Variants in TNNI1 observed in about 807,000 individuals in gnomAD.
TNNI1 encodes troponin I1, slow skeletal type, also known as troponin I, slow skeletal muscle.
A neutral mutation model predicts 26.7 loss-of-function variants in TNNI1; 14 were observed. The observed-to-expected ratio is 0.52, with a 90% CI of 0.35 to 0.82. The LOEUF (loss-of-function observed/expected upper bound fraction) is 0.82, where lower values mean the gene tolerates loss of function less well. TNNI1 is among the 40% of genes least tolerant of loss of function. The pLI, the probability that TNNI1 is intolerant of heterozygous loss-of-function variation, is 0.01. For synonymous variants in TNNI1, 79 were observed against 98.2 expected (o/e 0.80, Z 1.16); for missense variants, 164 against 257.0 (o/e 0.64, Z 2.47).
chr1:201,412,006 T>C (rs1036554117), intron 6 of TNNI1, among the ~76,000 whole-genome samples: 5 of 152,184 alleles, frequency 3.3e-5, no homozygotes, highest in Admixed American at 2.0e-4. Context: ...AGATCCCTGC[T>C]CTAGGACAGT....
intron 5 of TNNI1, among the ~76,000 whole-genome samples, 186 bp downstream of exon 5, chr1:201,414,332 A>G (rs1448524823): frequency 6.6e-6 from 1 of 152,246 alleles, no homozygotes; most frequent in Non-Finnish European, 1.5e-5. Flanking sequence ...TGCCCGTAAA[A>G]TGGAATCTAA....
At chr1:201,416,045 G>A (rs1033836037) in intron 3 of TNNI1, among the ~76,000 whole-genome samples, 3 of 152,090 alleles carry the variant, frequency 2.0e-5, no homozygotes, top group African/African-American at 7.2e-5. Flanking sequence ...AATGTGCTGT[G>A]AGCCGGCAGA....
chr1:201,414,871 T>C (rs1334662312), intron 4 of TNNI1, among the ~76,000 whole-genome samples: 1 of 152,254 alleles, frequency 6.6e-6, no homozygotes, highest in Non-Finnish European at 1.5e-5. Flanking sequence ...CTTCCTCTTA[T>C]CCACTTACTG....
At chr1:201,414,185 G>C (rs981753289) in intron 5 of TNNI1, among the ~76,000 whole-genome samples, 10 of 152,134 alleles carry the variant, frequency 6.6e-5, no homozygotes, top group African/African-American at 2.4e-4. Context: ...TCTAGGAAAG[G>C]GTAGACAAGT....
At chr1:201,418,395 G>A (rs1183440968) in intron 1 of TNNI1, among the ~76,000 whole-genome samples, 1 of 151,296 alleles carries the variant, frequency 6.6e-6, no homozygotes, top group Non-Finnish European at 1.5e-5. Flanking sequence ...TTGAACCCAG[G>A]AGGCGGAGGT....
At chr1:201,414,750 C>T in intron 4 of TNNI1, 101 bp from the exon 5 acceptor site, 2 of 1,549,884 alleles carry the variant, frequency 1.3e-6, no homozygotes, top group Middle Eastern at 1.8e-4. Flanking sequence ...TCTGAGACCA[C>T]TGTCCAGTGT....
chr1:201,410,477 G>C (rs1662613674), intron 7 of TNNI1, 42 bp from the exon 8 acceptor site: 6 of 1,569,290 alleles, frequency 3.8e-6, no homozygotes, highest in South Asian at 1.1e-5. Flanking sequence ...TACCAGGCTG[G>C]ACGGCCCCCC....
rs1057329798 is a variant in TNNI1, at chr1:201,411,219, G to A, written c.456+138C>T. ...TTTCTTCCCACACTGGTCTCCCAAA[G>A]CATTCTAGAATGTTCTGTCTGTCAA... On this transcript the variant is annotated intron_variant, in intron 7 of 8. Transcript: ENST00000361379. This position sits in a 1 kb window ranked among gnomAD's most constrained non-coding sequence, Gnocchi z 4.6. The A allele has an allele frequency of 2.3e-6, 2 of 872,540 alleles. No individual in the cohort carries two copies. Among genetic ancestry groups the A allele is most frequent in the African/African-American group, 3.5e-5 (2 of 56,966 alleles). The allele number at this position is 872,540 out of a possible 1,614,324, so 54.0% of individuals were successfully genotyped here. A position where few individuals can be genotyped will look rare whatever the true frequency, so the allele number is the denominator to read the frequency against.
At chr1:201,410,217 C>T (rs549552625) in intron 8 of TNNI1, 109 bp downstream of exon 8, 7 of 889,548 alleles carry the variant, frequency 7.9e-6, no homozygotes, top group Non-Finnish European at 1.3e-5. Context: ...GTGCCTTAGT[C>T]CGTGCATCCG....
intron 2 of TNNI1, 59 bp downstream of exon 2, chr1:201,417,724 A>C (rs1662775903): frequency 7.7e-7 from 1 of 1,304,468 alleles, no homozygotes; most frequent in Non-Finnish European, 9.9e-7. Flanking sequence ...TGCGGGGCTG[A>C]AGTCTGTGGC....
In TNNI1 at chr1:201,411,718, T is replaced by G. The variant is rs1662639540; in HGVS notation, c.280-185A>C. On this transcript the variant is annotated intron_variant, in intron 6 of 8. Transcript: ENST00000361379. This position sits in a 1 kb window ranked among gnomAD's most constrained non-coding sequence, Gnocchi z 4.6. ...GGGACCGGTTTTGTGGAAGACACTT[T>G]TTCCACGGAGAGGTGGTGGGGTGGT... 6.6e-6 allele frequency among the ~76,000 whole-genome samples: 1 copy of G among 152,196 alleles called. No individual in the cohort carries two copies. Among genetic ancestry groups the G allele is most frequent in the South Asian group, 2.1e-4 (1 of 4,830 alleles).
chr1:201,417,580 C>A (rs1026826423), intron 2 of TNNI1, among the ~76,000 whole-genome samples: 10 of 152,160 alleles, frequency 6.6e-5, no homozygotes, highest in Admixed American at 3.9e-4. Context: ...ACTCCCAGGG[C>A]AACCTGGGAG....
chr1:201,418,746 C>T (rs1018847154), intron 1 of TNNI1, among the ~76,000 whole-genome samples: 3 of 152,190 alleles, frequency 2.0e-5, no homozygotes, highest in Non-Finnish European at 2.9e-5. Flanking sequence ...GGGCAAATCC[C>T]GTGTTCACCC....
rs1571737110 is a variant in TNNI1, at chr1:201,415,099, A to G, written c.57+114T>C. The stretch of plus-strand genomic sequence containing the variant: ...TGGACTCCTGCCCCTCATCATCCTC[A>G]CTCTGGCCTCCTTCCTTTCTCCTTG... On this transcript the variant is annotated intron_variant, in intron 4 of 8. Coordinates refer to ENST00000361379, the MANE Select transcript of TNNI1 (RefSeq NM_003281.4). 4 of 972,250 alleles carry G rather than the reference A, an allele frequency of 4.1e-6. No homozygotes were observed. In the East Asian group the frequency reaches 7.6e-5, roughly 18 times the overall value. 60.2% of individuals were successfully genotyped at this position (972,250 alleles called of 1,614,324 possible).
chr1:201,417,784 C>G lies in TNNI1; in HGVS notation c.10G>C (p.Val4Leu). Residue 4 changes from valine (V) to leucine (L), a missense_variant and splice_region_variant, in exon 2 of 9, where the codon GTC becomes CTC. Physicochemically the swap from Val to Leu is conservative, Grantham distance 32. Coordinates refer to ENST00000361379, the MANE Select transcript of TNNI1 (RefSeq NM_003281.4). MPE[V>L]ERKPKITASR... is the part of the protein sequence containing the mutation. ...CCAGATGGCAGTGAGACTACTTACA[C>G]TTCCGGCATGGTGGCAGTGAGACAG... 7.6e-7 allele frequency: 1 copy of G among 1,313,702 alleles called. No homozygotes were observed. Among genetic ancestry groups the G allele is most frequent in the Non-Finnish European group, 9.8e-7 (1 of 1,022,224 alleles). The allele number at this position is 1,313,702 out of a possible 1,614,324, so 81.4% of individuals were successfully genotyped here.
At position 201,405,739 on chromosome 1, in the gene TNNI1, T is replaced by A. The variant is rs1173086290; in HGVS notation, c.*3514A>T. On this transcript the variant is annotated 3_prime_UTR_variant, in exon 9 of 9. Coordinates refer to ENST00000361379, the MANE Select transcript of TNNI1 (RefSeq NM_003281.4). ...CTTGCGCCGTGGGGACCGGGCACCC[T>A]GTGGGGAAAGGTGGGAGCAACAGCT... 6.5e-6 allele frequency: 1 copy of A among 152,796 alleles called. No individual in the cohort carries two copies. Among genetic ancestry groups the A allele is most frequent in the Non-Finnish European group, 1.5e-5 (1 of 68,312 alleles). The allele number at this position is 152,796 out of a possible 1,614,324, so 9.5% of individuals were successfully genotyped here.
intron 6 of TNNI1, among the ~76,000 whole-genome samples, chr1:201,412,618 T>C (rs1480361889): frequency 6.6e-6 from 1 of 152,156 alleles, no homozygotes; most frequent in Non-Finnish European, 1.5e-5. Context: ...GGACAAGTCT[T>C]TGGCCTCTCT....
Position 201,404,361 on chromosome 1 carries a change from A to ATGAG in TNNI1, c.*4891_*4892insCTCA, listed in dbSNP as rs1347462226. The ATGAG allele has an allele frequency of 9.8e-5, 15 of 152,290 alleles. No individual in the cohort carries two copies. Among genetic ancestry groups the ATGAG allele is most frequent in the Admixed American group, 4.6e-4 (7 of 15,300 alleles). 9.4% of individuals were successfully genotyped at this position (152,290 alleles called of 1,614,324 possible). A position where few individuals can be genotyped will look rare whatever the true frequency, so the allele number is the denominator to read the frequency against. On this transcript the variant is annotated 3_prime_UTR_variant, in exon 9 of 9. Coordinates refer to ENST00000361379, the MANE Select transcript of TNNI1 (RefSeq NM_003281.4). The stretch of plus-strand genomic sequence containing the variant: ...CATGTGTCTCAGCTGAGCAACTGCC[A>ATGAG]TGCTTGTGGCACTCTTAGGGGAAGG...
intron 1 of TNNI1, among the ~76,000 whole-genome samples, chr1:201,421,467 T>C (rs1298772346): frequency 6.6e-6 from 1 of 152,190 alleles, no homozygotes; most frequent in Non-Finnish European, 1.5e-5. Flanking sequence ...AAGTTTCACC[T>C]CTCACAACAG....
Sources: allele counts gnomAD v4.1 joint callset (sites outside exome capture counted in the v4.1 genomes callset), GRCh38; gene constraint gnomAD v4.1.1; non-coding constraint Gnocchi (gnomAD v3.1); transcripts MANE v1.5; gene names NCBI Gene and HGNC (gene_info 2026-07-23, HGNC 2026-07-21).